The following MCC variants were observed in gnomAD, a reference collection of about 807,000 sequenced individuals.
The protein encoded by MCC is colorectal mutant cancer protein.
MCC carries 90 observed loss-of-function variants against 116.2 expected under a neutral mutation model. The observed-to-expected ratio is 0.77, with a 90% CI of 0.65 to 0.92. The LOEUF (loss-of-function observed/expected upper bound fraction) is 0.92, where lower values mean the gene tolerates loss of function less well. MCC is among the 40% of genes least tolerant of loss of function. MCC has a pLI of 0.00. For missense variants in MCC, 1,516 were observed against 1,312.2 expected, an observed-to-expected ratio of 1.16 and a Z score of -2.40; for synonymous variants, 578 against 510.5, an observed-to-expected ratio of 1.13 and a Z score of -1.78.
At position 113,191,190 on chromosome 5, in the gene MCC, C is replaced by T. The variant is rs193126932; in HGVS notation, c.628-39768G>A. Among the ~76,000 whole-genome samples, 463 of 152,340 alleles carry T rather than the reference C, an allele frequency of 3.0e-3. 2 individuals carry two copies. Among genetic ancestry groups the T allele is most frequent in the African/African-American group, 9.5e-3 (393 of 41,574 alleles). On this transcript the variant is annotated intron_variant, in intron 3 of 18. Transcript: ENST00000408903. ...TACCTGCCTTTGCTCCTGGTCTCTT[C>T]CCATCCAATGTTAGAAGTGGGAAAG...
intron 14 of MCC, among the ~76,000 whole-genome samples, chr5:113,057,943 G>A (rs1179798589): frequency 6.6e-6 from 1 of 152,258 alleles, no homozygotes; most frequent in Non-Finnish European, 1.5e-5. Flanking sequence ...GCAGACAGCA[G>A]CACTTCTCTT....
intron 3 of MCC, among the ~76,000 whole-genome samples, chr5:113,229,678 G>T (rs1763871350): frequency 6.6e-6 from 1 of 152,126 alleles, no homozygotes; most frequent in African/African-American, 2.4e-5. Flanking sequence ...ATACAACGGT[G>T]GTCCTGTAAG....
chr5:113,327,779 G>A (rs1239114544), intron 3 of MCC, among the ~76,000 whole-genome samples: 1 of 149,872 alleles, frequency 6.7e-6, no homozygotes, highest in African/African-American at 2.5e-5. Context: ...TTATTAGGTT[G>A]GTGCAAAAGC....
intron 3 of MCC, among the ~76,000 whole-genome samples, chr5:113,242,537 AGT>A (rs906123048): frequency 6.0e-5 from 9 of 149,990 alleles, no homozygotes; most frequent in African/African-American, 2.2e-4. Context: ...GTTAATTATT[AGT>A]TTTTTTTTTA....
chr5:113,339,117 T>C (rs1262578131), intron 3 of MCC, among the ~76,000 whole-genome samples: 3 of 151,518 alleles, frequency 2.0e-5, no homozygotes, highest in African/African-American at 4.9e-5. Context: ...TCCCAGCTAC[T>C]TGAGAGGCTG....
In MCC at chr5:113,287,754, G is replaced by C. The variant is rs1391685757; in HGVS notation, c.627+52765C>G. Among the ~76,000 whole-genome samples, 4 of 152,184 alleles carry C rather than the reference G, an allele frequency of 2.6e-5. No individual in the cohort carries two copies. The East Asian group carries it at 7.7e-4, about 29-fold the overall frequency. Reference sequence around the variant, plus strand: ...AGGCAGCTATTACAACTGCACACTTGACTTTATTTCCTGAGTATCACCATG... The same window carrying C: ...AGGCAGCTATTACAACTGCACACTTCACTTTATTTCCTGAGTATCACCATG... On this transcript the variant is annotated intron_variant, in intron 3 of 18. Coordinates refer to ENST00000408903, the MANE Select transcript of MCC (RefSeq NM_001085377.2).
chr5:113,075,076 G>A (rs920299795), intron 11 of MCC, among the ~76,000 whole-genome samples: 1 of 152,194 alleles, frequency 6.6e-6, no homozygotes, highest in Admixed American at 6.5e-5. Flanking sequence ...CGTGGCACTC[G>A]TGGGCCAGCA....
intron 1 of MCC, among the ~76,000 whole-genome samples, chr5:113,453,350 A>G (rs538092180): frequency 6.6e-6 from 1 of 152,270 alleles, no homozygotes; most frequent in East Asian, 1.9e-4. Flanking sequence ...GAAATGTTGT[A>G]GAACAGCTTT....
At chr5:113,090,147 T>C (rs991478062) in intron 8 of MCC, among the ~76,000 whole-genome samples, 2 of 148,030 alleles carry the variant, frequency 1.4e-5, no homozygotes, top group African/African-American at 5.0e-5. Context: ...CTGGCAGGAG[T>C]GGAGGGTCAG....
chr5:113,189,033 C>CA (rs1762030022), intron 3 of MCC, among the ~76,000 whole-genome samples: 1 of 152,182 alleles, frequency 6.6e-6, no homozygotes, highest in African/African-American at 2.4e-5. Context: ...ATGCAAAGCC[C>CA]AGAGACAGCT....
intron 3 of MCC, among the ~76,000 whole-genome samples, chr5:113,192,173 G>C (rs1267844975): frequency 6.6e-6 from 1 of 152,140 alleles, no homozygotes; most frequent in Non-Finnish European, 1.5e-5. Context: ...CACCCACCAG[G>C]CTCTAAGGAA....
chr5:113,418,681 A>C (rs1464698085), intron 1 of MCC, among the ~76,000 whole-genome samples: 3 of 137,402 alleles, frequency 2.2e-5, no homozygotes, highest in East Asian at 3.9e-4. Context: ...CAAAATCTTC[A>C]TCATTATTAT....
intron 6 of MCC, among the ~76,000 whole-genome samples, chr5:113,116,729 C>A (rs1757418622): frequency 6.6e-6 from 1 of 152,198 alleles, no homozygotes; most frequent in Admixed American, 6.5e-5. Context: ...CCTGGTTACT[C>A]TAAGGAAGAT....
At chr5:113,145,512 C>A (rs1398494429) in intron 4 of MCC, among the ~76,000 whole-genome samples, 1 of 152,106 alleles carries the variant, frequency 6.6e-6, no homozygotes, top group African/African-American at 2.4e-5. Flanking sequence ...CCACTACCAC[C>A]ACCTGGGCTG....
chr5:113,367,207 AATT>A (rs1246305561), intron 2 of MCC, among the ~76,000 whole-genome samples: 2 of 152,102 alleles, frequency 1.3e-5, no homozygotes, highest in African/African-American at 2.4e-5. Context: ...TGAATATGCA[AATT>A]ATTATAATGA....
At chr5:113,419,304 G>A (rs1770248667) in intron 1 of MCC, among the ~76,000 whole-genome samples, 1 of 151,612 alleles carries the variant, frequency 6.6e-6, no homozygotes, top group African/African-American at 2.4e-5. Context: ...CCAAGTAGCT[G>A]GGACCATAGG....
At position 113,104,354 on chromosome 5, in the gene MCC, G is replaced by A. The variant is rs1237069768; in HGVS notation, c.1029C>T (p.Asp343=). Residue 343 remains aspartate, a splice_region_variant and synonymous_variant, in exon 7 of 19, where the codon GAC becomes GAT. Coordinates refer to ENST00000408903, the MANE Select transcript of MCC (RefSeq NM_001085377.2). ...GTTCTGAGTTCAGGTCACTGCAGTT[G>A]TCTGTGAGTGAATGAAGACAAAATG... ...NQSTMVTADM[D]NCSDLNSELQ... is the part of the protein sequence containing the mutation. 5 of 1,604,034 alleles carry A rather than the reference G, an allele frequency of 3.1e-6. No individual in the cohort carries two copies. Among genetic ancestry groups the A allele is most frequent in the Non-Finnish European group, 4.3e-6 (5 of 1,174,054 alleles).
intron 1 of MCC, among the ~76,000 whole-genome samples, chr5:113,398,812 T>G (rs545185133): frequency 6.6e-6 from 1 of 152,202 alleles, no homozygotes; most frequent in Non-Finnish European, 1.5e-5. Flanking sequence ...TTTGTAAAAC[T>G]AGGATTTCCA....
At chr5:113,100,719 C>T (rs1756352398) in intron 8 of MCC, among the ~76,000 whole-genome samples, 1 of 152,106 alleles carries the variant, frequency 6.6e-6, no homozygotes, top group South Asian at 2.1e-4. Context: ...GATCTGCCTG[C>T]CTCGGCCTCC....
Sources: allele counts gnomAD v4.1 joint callset (sites outside exome capture counted in the v4.1 genomes callset), GRCh38; gene constraint gnomAD v4.1.1; transcripts MANE v1.5; gene names NCBI Gene and HGNC (gene_info 2026-07-23, HGNC 2026-07-21).